Variants in NOM1 observed in about 807,000 individuals in gnomAD.
NOM1 encodes nucleolar protein with MIF4G domain 1, also known as nucleolar MIF4G domain-containing protein 1.
In NOM1, 58 loss-of-function variants were observed where a neutral mutation model predicts 73.3. The observed-to-expected ratio is 0.79, with a 90% CI of 0.64 to 0.99. NOM1 has a LOEUF of 0.99. NOM1 is among the 50% of genes least tolerant of loss of function. The probability of loss-of-function intolerance (pLI) is 0.00; values close to 1 mark genes in which losing one functional copy is unlikely to be tolerated. For synonymous variants in NOM1, 487 were observed against 446.8 expected (o/e 1.09, Z -1.14); for missense variants, 1,226 against 1,131.9 (o/e 1.08, Z -1.19).
At position 156,957,514 on chromosome 7, in the gene NOM1, G is replaced by A. The variant is rs1482162963; in HGVS notation, c.1309-2337G>A. Among the ~76,000 whole-genome samples the A allele has an allele frequency of 3.9e-5, 6 of 152,212 alleles. No homozygotes were observed. The East Asian group carries it at 9.6e-4, about 24-fold the overall frequency. On this transcript the variant is annotated intron_variant, in intron 3 of 10. Transcript: ENST00000275820. ...CATACAGCCGGGTGTGGTGGCTCAC[G>A]CCTGTAATCCTAGCACTTTGGGAGG...
At chr7:156,961,441 G>A (rs1239064933) in intron 4 of NOM1, among the ~76,000 whole-genome samples, 1 of 152,162 alleles carries the variant, frequency 6.6e-6, no homozygotes, top group African/African-American at 2.4e-5. Flanking sequence ...TTCAAATGGA[G>A]AAGAGACAGA....
At chr7:156,969,231 G>A (rs1805080682) in intron 10 of NOM1, 35 bp downstream of exon 10, 3 of 1,046,966 alleles carry the variant, frequency 2.9e-6, no homozygotes, top group Non-Finnish European at 4.5e-6. Flanking sequence ...AGACATGGAA[G>A]AGAAATGAAG....
Position 156,967,008 on chromosome 7 carries a change from C to G in NOM1, c.2214C>G (p.Asn738Lys), listed in dbSNP as rs1805014796. The G allele has an allele frequency of 6.2e-7, 1 of 1,613,260 alleles. No homozygotes were observed. The highest frequency in any genetic ancestry group is 1.7e-5 in the Admixed American group (1 of 59,862). The change falls in exon 9 of 11, where the codon AAC becomes AAG. Residue 738 changes from asparagine (N) to lysine (K), a missense_variant. Physicochemically the swap from Asn to Lys is moderately conservative, Grantham distance 94. Coordinates refer to ENST00000275820, the MANE Select transcript of NOM1 (RefSeq NM_138400.2). Reference sequence around the variant, plus strand: ...GGGACAAATTTCGGGACTTGGAAAACTTGCCAGCTACGAATTTCTCTAATT... The same window carrying G: ...GGGACAAATTTCGGGACTTGGAAAAGTTGCCAGCTACGAATTTCTCTAATT... ...SIWDKFRDLE[N>K]LPATNFSNLV... is the part of the protein sequence containing the mutation.
chr7:156,969,633 C>G lies in NOM1; in HGVS notation c.2513C>G (p.Ala838Gly), dbSNP rs1042668483. ...CAGGCCCACAGAAGCGCCGACGAAG[C>G]CAACGTGCTGAGAGAGAAAGCTGAC... is the stretch of plus-strand genomic sequence containing the variant. ...NAQAHRSADE[A>G]NVLREKADLA... Residue 838 changes from alanine to glycine, a missense_variant, in exon 11 of 11, where the codon GCC becomes GGC. Coordinates refer to ENST00000275820, the MANE Select transcript of NOM1 (RefSeq NM_138400.2). The G allele has an allele frequency of 8.7e-6, 14 of 1,613,766 alleles. No homozygotes were observed. The highest frequency in any genetic ancestry group is 1.2e-5 in the Non-Finnish European group (14 of 1,179,866).
At chr7:156,968,799 A>C (rs1805070670) in intron 9 of NOM1, 1 of 265,984 alleles carries the variant, frequency 3.8e-6, no homozygotes. Context: ...TAGATACTGA[A>C]TTTCTGATTC....
At position 156,950,698 on chromosome 7, in the gene NOM1, TC is replaced by T; in HGVS notation, c.962del (p.Ser321TrpfsTer6). On this transcript the variant is annotated frameshift_variant, in exon 1 of 11. Coordinates refer to ENST00000275820, the MANE Select transcript of NOM1 (RefSeq NM_138400.2). LOFTEE classifies it high-confidence loss of function. ...AGATGAAGAAAAGAGTGAAAATTCC[TC>T]GGAGGACGGTGACATAACGGATAAG... ...AEDEEKSENS[S>X]EDGDITDKSL... is the part of the protein sequence containing the mutation. The T allele has an allele frequency of 6.4e-7, 1 of 1,551,674 alleles. No individual in the cohort carries two copies. Among genetic ancestry groups the T allele is most frequent in the Non-Finnish European group, 8.7e-7 (1 of 1,146,986 alleles).
At position 156,959,889 on chromosome 7, in the gene NOM1, C is replaced by G; in HGVS notation, c.1347C>G (p.Phe449Leu). ...TTCTGGAGGCAGTGGTGAGGAAGTT[C>G]GATGCCATCTATAAATACGGAAGCG... ...AHFLEAVVRK[F>L]DAIYKYGSEG... is the part of the protein sequence containing the mutation. The change falls in exon 4 of 11, where the codon TTC becomes TTG. Residue 449 changes from phenylalanine to leucine, a missense_variant. By Grantham distance (22) the Phe-to-Leu change is conservative. Coordinates refer to ENST00000275820, the MANE Select transcript of NOM1 (RefSeq NM_138400.2). The G allele has an allele frequency of 6.2e-7, 1 of 1,614,132 alleles. No homozygotes were observed. Among genetic ancestry groups the G allele is most frequent in the Non-Finnish European group, 8.5e-7 (1 of 1,180,016 alleles).
Position 156,969,783 on chromosome 7 carries a change from G to C in NOM1, c.*80G>C. On this transcript the variant is annotated 3_prime_UTR_variant, in exon 11 of 11. Transcript: ENST00000275820. The stretch of plus-strand genomic sequence containing the variant: ...CCCAAAGGCTTATTCTGTTGCCTGC[G>C]TGTGAATGTTTGGTAGAGCTATATC... 6.6e-6 allele frequency: 9 copies of C among 1,358,224 alleles called. No homozygotes were observed. Among genetic ancestry groups the C allele is most frequent in the Non-Finnish European group, 7.9e-6 (8 of 1,011,174 alleles). 84.1% of individuals were successfully genotyped at this position (1,358,224 alleles called of 1,614,324 possible).
chr7:156,965,548 C>T (rs1001588487), intron 7 of NOM1, among the ~76,000 whole-genome samples: 6 of 152,138 alleles, frequency 3.9e-5, no homozygotes, highest in Non-Finnish European at 7.3e-5. Context: ...GTGACCTGAC[C>T]ATATGGGCTT....
At chr7:156,968,473 A>G (rs142933267) in intron 9 of NOM1, among the ~76,000 whole-genome samples, 91 of 152,162 alleles carry the variant, frequency 6.0e-4, no homozygotes, top group African/African-American at 2.0e-3. Flanking sequence ...TCCCGTCACC[A>G]TGCGTTTAGT....
Position 156,949,891 on chromosome 7 carries a change from T to C in NOM1, c.154T>C (p.Phe52Leu). The C allele has an allele frequency of 6.5e-7, 1 of 1,534,618 alleles. No individual in the cohort carries two copies. Among genetic ancestry groups the C allele is most frequent in the Non-Finnish European group, 8.8e-7 (1 of 1,140,918 alleles). ...GAGGCTGAAGCTAGCGGTGGAGGAG[T>C]TCGTGCACGCGACTTCGGAAGGCGA... ...LKRLKLAVEE[F>L]VHATSEGEAP... The change falls in exon 1 of 11, where the codon TTC (phenylalanine) becomes CTC (leucine). Residue 52 changes from phenylalanine to leucine, a missense_variant. Physicochemically the swap from Phe to Leu is conservative, Grantham distance 22. Coordinates refer to ENST00000275820, the MANE Select transcript of NOM1 (RefSeq NM_138400.2).
intron 7 of NOM1, 48 bp downstream of exon 7, chr7:156,964,074 A>C (rs746547256): frequency 1.9e-6 from 3 of 1,586,810 alleles, no homozygotes; most frequent in Non-Finnish European, 2.6e-6. Flanking sequence ...ATGCTGTAAA[A>C]TAAGTAAGTT....
chr7:156,958,761 A>C (rs972924971), intron 3 of NOM1: 3 of 152,188 alleles, frequency 2.0e-5, no homozygotes, highest in African/African-American at 7.2e-5. Context: ...CAGGCCCGGC[A>C]GTTCCTGGCC....
rs1307003348 is a variant in NOM1 at position 156,962,274 on chromosome 7, A to T, written c.1743+13A>T. 1.3e-6 allele frequency: 2 copies of T among 1,597,568 alleles called. No individual in the cohort carries two copies. The highest frequency in any genetic ancestry group is 1.1e-5 in the South Asian group (1 of 90,710). On this transcript the variant is annotated intron_variant, in intron 5 of 10. Coordinates refer to ENST00000275820, the MANE Select transcript of NOM1 (RefSeq NM_138400.2). The stretch of plus-strand genomic sequence containing the variant: ...GCAGAGAGCTTTGGTGAGTCAAGGA[A>T]CTTTCAATTCTGTTTTGCTCAGAGC...
At chr7:156,952,682 T>C (rs1446466530) in intron 2 of NOM1, 84 bp downstream of exon 2, 2 of 1,442,744 alleles carry the variant, frequency 1.4e-6, no homozygotes, top group Non-Finnish European at 1.9e-6. Flanking sequence ...GCAATTCAAA[T>C]AGAAGTGATG....
Position 156,960,030 on chromosome 7 carries a change from A to G in NOM1, c.1488A>G (p.Glu496=). The G allele has an allele frequency of 1.2e-6, 2 of 1,614,212 alleles. No individual in the cohort carries two copies. The highest frequency in any genetic ancestry group is 1.7e-6 in the Non-Finnish European group (2 of 1,180,046). ...ILKKLIGTFT[E]KDIELILLML... is the part of the protein sequence containing the mutation. ...AAAAACTGATTGGAACTTTCACCGA[A>G]AAAGATATTGAACTGATCTTGTTAA... The change falls in exon 4 of 11, where the codon GAA becomes GAG. Residue 496 remains glutamate (E), a synonymous_variant. Coordinates refer to ENST00000275820, the MANE Select transcript of NOM1 (RefSeq NM_138400.2).
chr7:156,954,079 CTCTG>C lies in NOM1; in HGVS notation c.1113-20_1113-17del. 6.3e-7 allele frequency: 1 copy of C among 1,581,850 alleles called. No homozygotes were observed. Among genetic ancestry groups the C allele is most frequent in the Non-Finnish European group, 8.6e-7 (1 of 1,167,996 alleles). On this transcript the variant is annotated intron_variant, in intron 2 of 10. Transcript: ENST00000275820. ...ATTCCTAATTGGAAACATTGTTGCT[CTCTG>C]TCTTTACAATTCTCTGCAGGTTGAG... is the stretch of plus-strand genomic sequence containing the variant.
chr7:156,962,124 C>G (rs756357830), intron 4 of NOM1, 27 bp from the exon 5 acceptor site: 3 of 1,586,760 alleles, frequency 1.9e-6, no homozygotes, highest in Non-Finnish European at 2.6e-6. Context: ...AAATGATGGA[C>G]TTTCCATTTT....
intron 1 of NOM1, 149 bp downstream of exon 1, chr7:156,950,873 GTCT>G: frequency 1.4e-6 from 1 of 713,190 alleles, no homozygotes. Context: ...ACTCTATTCG[GTCT>G]TCTTTCATGT....
Sources: gnomAD v4.1 joint callset for allele counts (sites outside exome capture counted in the v4.1 genomes callset) on GRCh38, gnomAD v4.1.1 for gene constraint, MANE v1.5 for transcripts, NCBI Gene and HGNC (gene_info 2026-07-23, HGNC 2026-07-21) for gene names.